The following NXPH2 variants were observed in gnomAD, a reference collection of about 807,000 sequenced individuals.
NXPH2 encodes the protein neurexophilin 2, also known as neurexophilin-2.
A neutral mutation model predicts 19.8 loss-of-function variants in NXPH2; 5 were observed. The ratio of observed to expected loss-of-function variants is 0.25; its 90% CI spans 0.13 to 0.53. The LOEUF (loss-of-function observed/expected upper bound fraction) is 0.53. NXPH2 is among the 20% of genes least tolerant of loss of function. NXPH2 has a pLI of 0.96. For synonymous variants in NXPH2, 154 were observed against 127.4 expected (o/e 1.21, Z -1.41); for missense variants, 289 against 322.8 (o/e 0.90, Z 0.80).
intron 1 of NXPH2, among the ~76,000 whole-genome samples, chr2:138,672,267 T>G (rs1410697646): frequency 6.6e-6 from 1 of 152,168 alleles, no homozygotes; most frequent in African/African-American, 2.4e-5. Context: ...AAGTAAAAAT[T>G]TAGTTGCCTT....
chr2:138,771,621 G>C (rs1027733939), intron 1 of NXPH2, among the ~76,000 whole-genome samples: 2 of 152,158 alleles, frequency 1.3e-5, no homozygotes, highest in Non-Finnish European at 2.9e-5. Context: ...TGAAAGAATG[G>C]GAAAAAAGTC....
rs1329896566 is a variant in NXPH2, at chr2:138,765,918, T to C, written c.51+14273A>G. 2.0e-5 allele frequency among the ~76,000 whole-genome samples: 3 copies of C among 152,354 alleles called. No homozygotes were observed. In the East Asian group the frequency reaches 5.8e-4, roughly 29 times the overall value. On this transcript the variant is annotated intron_variant, in intron 1 of 1. Coordinates refer to ENST00000272641, the MANE Select transcript of NXPH2 (RefSeq NM_007226.3). ...TTGCTGTCTTCTACAAGGTAATTTT[T>C]CTCTCATTACTTCATTTTAAAATAT...
At chr2:138,697,015 A>G (rs1680838478) in intron 1 of NXPH2, among the ~76,000 whole-genome samples, 2 of 152,168 alleles carry the variant, frequency 1.3e-5, no homozygotes, top group Non-Finnish European at 2.9e-5. Flanking sequence ...TAGTACTCAG[A>G]ATAAAGATAA....
At chr2:138,706,137 T>C (rs1182679717) in intron 1 of NXPH2, among the ~76,000 whole-genome samples, 1 of 152,224 alleles carries the variant, frequency 6.6e-6, no homozygotes, top group Non-Finnish European at 1.5e-5. Context: ...CAGAACATAC[T>C]ATGTCTATTA....
intron 1 of NXPH2, among the ~76,000 whole-genome samples, chr2:138,776,648 T>G (rs1205812910): frequency 6.7e-6 from 1 of 149,562 alleles, no homozygotes; most frequent in East Asian, 2.0e-4. Context: ...CATTGTCATA[T>G]AGCCAACAGA....
Position 138,669,351 on chromosome 2 carries a change from TA to T in NXPH2, c.*1570del, listed in dbSNP as rs901371075. 2.0e-5 allele frequency among the ~76,000 whole-genome samples: 3 copies of T among 152,024 alleles called. No individual in the cohort carries two copies. The highest frequency in any genetic ancestry group is 7.2e-5 in the African/African-American group (3 of 41,394). The stretch of plus-strand genomic sequence containing the variant: ...AAATATTAATCACCAACCACAAAAT[TA>T]CAAAAACATGTGGTGAACTCAGAGC... On this transcript the variant is annotated 3_prime_UTR_variant, in exon 2 of 2. Coordinates refer to ENST00000272641, the MANE Select transcript of NXPH2 (RefSeq NM_007226.3).
intron 1 of NXPH2, among the ~76,000 whole-genome samples, chr2:138,750,507 T>C (rs967737884): frequency 6.6e-6 from 1 of 152,172 alleles, no homozygotes; most frequent in African/African-American, 2.4e-5. Context: ...TCATCAGAAG[T>C]AGAGCTGTAA....
At chr2:138,692,681 G>T (rs1005882154) in intron 1 of NXPH2, among the ~76,000 whole-genome samples, 5 of 152,112 alleles carry the variant, frequency 3.3e-5, no homozygotes, top group African/African-American at 4.8e-5. Context: ...AGCATATTTG[G>T]TCTTTAGATA....
At chr2:138,677,577 AG>A (rs1260961057) in intron 1 of NXPH2, among the ~76,000 whole-genome samples, 7 of 152,120 alleles carry the variant, frequency 4.6e-5, no homozygotes, top group Admixed American at 4.6e-4. Context: ...TTTTGTTTTT[AG>A]GGGGGAAAAG....
chr2:138,778,387 A>G (rs759175409), intron 1 of NXPH2, among the ~76,000 whole-genome samples: 25 of 152,214 alleles, frequency 1.6e-4, no homozygotes, highest in South Asian at 4.1e-4. Flanking sequence ...ATTAGAATCT[A>G]GCTCTTAAGG....
intron 1 of NXPH2, among the ~76,000 whole-genome samples, chr2:138,699,059 G>GA (rs1209557954): frequency 9.2e-5 from 14 of 151,916 alleles, no homozygotes; most frequent in Admixed American, 6.6e-4. Flanking sequence ...AAATAGAAAT[G>GA]AAAAAATTAT....
chr2:138,748,540 T>G (rs1681776775), intron 1 of NXPH2, among the ~76,000 whole-genome samples: 1 of 152,130 alleles, frequency 6.6e-6, no homozygotes. Flanking sequence ...CTGAAATGGA[T>G]AGAAATAAAT....
rs147441056 is a variant in NXPH2 at position 138,732,595 on chromosome 2, T to A, written c.51+47596A>T. ...CCTGTGCCTAAAAGCTCTGCTGTGC[T>A]GGACCTGCTCTTCTCCTGACTTGTC... On this transcript the variant is annotated intron_variant, in intron 1 of 1. Coordinates refer to ENST00000272641, the MANE Select transcript of NXPH2 (RefSeq NM_007226.3). Among the ~76,000 whole-genome samples, 355 of 152,304 alleles carry A rather than the reference T, an allele frequency of 2.3e-3. 5 individuals are homozygous for A. Among genetic ancestry groups the A allele is most frequent in the African/African-American group, 8.0e-3 (334 of 41,572 alleles).
At chr2:138,685,110 T>G (rs781683708) in intron 1 of NXPH2, among the ~76,000 whole-genome samples, 45 of 152,188 alleles carry the variant, frequency 3.0e-4, no homozygotes, top group Non-Finnish European at 1.2e-4. Flanking sequence ...TATTCTTGAT[T>G]ATTGGGGTTG....
At chr2:138,774,469 T>C (rs564049548) in intron 1 of NXPH2, among the ~76,000 whole-genome samples, 1 of 152,348 alleles carries the variant, frequency 6.6e-6, no homozygotes. Flanking sequence ...ATTACATTTT[T>C]ATGTAACATA....
intron 1 of NXPH2, among the ~76,000 whole-genome samples, chr2:138,726,764 C>A (rs1399230305): frequency 2.0e-5 from 3 of 152,128 alleles, no homozygotes; most frequent in Non-Finnish European, 4.4e-5. Flanking sequence ...CAGGAGTTGA[C>A]CCTACATTGA....
At chr2:138,773,311 A>G (rs993353520) in intron 1 of NXPH2, among the ~76,000 whole-genome samples, 8 of 152,214 alleles carry the variant, frequency 5.3e-5, no homozygotes, top group Admixed American at 5.2e-4. Context: ...CCATTTCCAT[A>G]GCCATATTCC....
chr2:138,689,613 G>T (rs772458518), intron 1 of NXPH2, among the ~76,000 whole-genome samples: 1 of 152,194 alleles, frequency 6.6e-6, no homozygotes, highest in Non-Finnish European at 1.5e-5. Context: ...TTCAGACTAT[G>T]AGTGTTCTGG....
At chr2:138,777,765 T>C (rs1682288576) in intron 1 of NXPH2, among the ~76,000 whole-genome samples, 1 of 140,486 alleles carries the variant, frequency 7.1e-6, no homozygotes, top group Non-Finnish European at 1.5e-5. Flanking sequence ...AGGCTGGCAG[T>C]GCAGATAGAA....
Sources: allele counts gnomAD v4.1 joint callset (sites outside exome capture counted in the v4.1 genomes callset), GRCh38; gene constraint gnomAD v4.1.1; transcripts MANE v1.5; gene names NCBI Gene and HGNC (gene_info 2026-07-23, HGNC 2026-07-21).